Variants in MINDY4B observed in about 807,000 individuals in gnomAD.
The protein encoded by MINDY4B is MINDY family member 4B.
MINDY4B carries 25 observed loss-of-function variants against 16.7 expected under a neutral mutation model. The ratio of observed to expected loss-of-function variants is 1.49; its 90% CI spans 1.09 to 2.09. The LOEUF is 2.09. Among genes scored for constraint, MINDY4B ranks in the 30% most tolerant of loss-of-function variants. The pLI, the probability that MINDY4B is intolerant of heterozygous loss-of-function variation, is 0.00. For synonymous variants in MINDY4B, 132 were observed against 61.9 expected, an observed-to-expected ratio of 2.13 and a Z score of -5.32; for missense variants, 327 against 168.4, an observed-to-expected ratio of 1.94 and a Z score of -5.21.
chr3:150,889,446 C>G (rs894061951), intron 7 of MINDY4B, among the ~76,000 whole-genome samples: 1 of 152,202 alleles, frequency 6.6e-6, no homozygotes, highest in Non-Finnish European at 1.5e-5. Flanking sequence ...GTGATTCCAC[C>G]GGGCCCACCT....
intron 7 of MINDY4B, among the ~76,000 whole-genome samples, chr3:150,889,653 C>T (rs1375424622): frequency 2.6e-5 from 4 of 152,226 alleles, no homozygotes; most frequent in Non-Finnish European, 5.9e-5. Context: ...ATCACATTTC[C>T]CTGCTCCATG....
In MINDY4B at chr3:150,905,278, C is replaced by T. The variant is rs144395504; in HGVS notation, c.113+49G>A. The T allele has an allele frequency of 2.7e-4, 106 of 398,320 alleles. 1 individual carries two copies. In the East Asian group the frequency reaches 2.8e-3, roughly 10 times the overall value. The allele number at this position is 398,320 out of a possible 1,614,324, so 24.7% of individuals were successfully genotyped here. On this transcript the variant is annotated intron_variant, in intron 1 of 11. Transcript: ENST00000465419. ...AGCTTATAAGTTGATTACTTAAACA[C>T]GGAAAATTCCTTTGTTTCTAAAGAA...
chr3:150,891,583 G>A (rs1377330086), intron 5 of MINDY4B, among the ~76,000 whole-genome samples: 5 of 151,878 alleles, frequency 3.3e-5, no homozygotes, highest in South Asian at 2.1e-4. Context: ...CCAACATGGC[G>A]AAACCCCTTC....
intron 10 of MINDY4B, among the ~76,000 whole-genome samples, chr3:150,878,058 G>A (rs1239778778): frequency 6.6e-6 from 1 of 152,030 alleles, no homozygotes; most frequent in East Asian, 1.9e-4. Context: ...TCTCTAAAAT[G>A]AATGACCAAG....
chr3:150,878,201 G>T (rs1239716762), intron 10 of MINDY4B, among the ~76,000 whole-genome samples: 1 of 152,102 alleles, frequency 6.6e-6, no homozygotes, highest in African/African-American at 2.4e-5. Context: ...TTAGCACAAT[G>T]AATAAATAAA....
intron 3 of MINDY4B, among the ~76,000 whole-genome samples, chr3:150,894,981 GGAGA>G (rs1188809450): frequency 6.6e-5 from 10 of 152,340 alleles, no homozygotes; most frequent in African/African-American, 2.4e-4. Context: ...AACAGAGGGA[GGAGA>G]GAGAACTTCT....
chr3:150,887,552 A>G (rs1319214455), intron 7 of MINDY4B, among the ~76,000 whole-genome samples: 1 of 152,208 alleles, frequency 6.6e-6, no homozygotes, highest in Non-Finnish European at 1.5e-5. Context: ...TCAAGAATAT[A>G]GGCCCTGTGT....
At chr3:150,883,610 A>G (rs1195032993) in intron 9 of MINDY4B, 90 bp downstream of exon 9, 1 of 661,088 alleles carries the variant, frequency 1.5e-6, no homozygotes, top group Non-Finnish European at 2.7e-6. Flanking sequence ...CAAAATTCAG[A>G]TTGCTTTTCT....
At chr3:150,896,180 ATT>A in intron 3 of MINDY4B, among the ~76,000 whole-genome samples, 1 of 152,136 alleles carries the variant, frequency 6.6e-6, no homozygotes, top group East Asian at 1.9e-4. Flanking sequence ...TTTCCAGAGC[ATT>A]TTGCATTTCT....
chr3:150,885,284 T>C (rs1711592351), intron 8 of MINDY4B, 84 bp downstream of exon 8: 4 of 659,192 alleles, frequency 6.1e-6, no homozygotes, highest in African/African-American at 1.8e-5. Context: ...GTTTCCAATA[T>C]GGAGATTTTT....
intron 10 of MINDY4B, among the ~76,000 whole-genome samples, chr3:150,882,020 C>T (rs879725889): frequency 1.8e-4 from 27 of 152,214 alleles, no homozygotes; most frequent in Non-Finnish European, 3.5e-4. Context: ...AGCAGCGAGG[C>T]CTTGTTTGCT....
chr3:150,894,842 CTGAT>C (rs1158390338), intron 3 of MINDY4B, among the ~76,000 whole-genome samples: 2 of 152,146 alleles, frequency 1.3e-5, no homozygotes, highest in Admixed American at 6.5e-5. Context: ...AAATCAAAGA[CTGAT>C]TGATCATTTA....
At position 150,870,646 on chromosome 3, in the gene MINDY4B, C is replaced by T. The variant is rs143185163; in HGVS notation, c.*399G>A. On this transcript the variant is annotated 3_prime_UTR_variant, in exon 12 of 12. Transcript: ENST00000465419. ...TGAGTTCTTGCCATAACTAAAAATCCGATGATGCATTACCAATGACTTCAT... is the reference window on the plus strand; with the variant it reads ...TGAGTTCTTGCCATAACTAAAAATCTGATGATGCATTACCAATGACTTCAT... 4.6e-4 allele frequency among the ~76,000 whole-genome samples: 70 copies of T among 152,268 alleles called. No homozygotes were observed. The highest frequency in any genetic ancestry group is 6.8e-3 in the Middle Eastern group (2 of 294).
intron 11 of MINDY4B, among the ~76,000 whole-genome samples, chr3:150,872,816 C>T (rs969100334): frequency 1.3e-5 from 2 of 152,166 alleles, no homozygotes; most frequent in African/African-American, 2.4e-5. Context: ...ATAGCATCAG[C>T]CAATTCTTCC....
chr3:150,902,763 G>T (rs1456248316), intron 3 of MINDY4B, among the ~76,000 whole-genome samples: 1 of 152,308 alleles, frequency 6.6e-6, no homozygotes, highest in East Asian at 1.9e-4. Flanking sequence ...TTTCAAATCT[G>T]CATATTAATT....
chr3:150,905,321 C>A lies in MINDY4B; in HGVS notation c.113+6G>T. 2 of 398,456 alleles carry A rather than the reference C, an allele frequency of 5.0e-6. No individual in the cohort carries two copies. Among genetic ancestry groups the A allele is most frequent in the Non-Finnish European group, 8.9e-6 (2 of 225,968 alleles). 24.7% of individuals were successfully genotyped at this position (398,456 alleles called of 1,614,324 possible). On this transcript the variant is annotated splice_donor_region_variant and intron_variant, in intron 1 of 11. Transcript: ENST00000465419. ...CTAAAGAAATGAGAGAATGAGAACA[C>A]CTTACCTGTGATAACTAAAGATTTC...
At chr3:150,876,264 G>A (rs1711497031) in intron 10 of MINDY4B, among the ~76,000 whole-genome samples, 1 of 152,148 alleles carries the variant, frequency 6.6e-6, no homozygotes. Flanking sequence ...CAAGGAAGAT[G>A]GACAAATTCT....
chr3:150,888,106 C>CA (rs1711674822), intron 7 of MINDY4B, among the ~76,000 whole-genome samples: 2 of 151,950 alleles, frequency 1.3e-5, no homozygotes, highest in South Asian at 4.2e-4. Context: ...GATTCCGTCT[C>CA]AAAAAACAAA....
intron 3 of MINDY4B, among the ~76,000 whole-genome samples, chr3:150,896,668 C>A (rs1194226827): frequency 2.0e-5 from 3 of 152,186 alleles, no homozygotes; most frequent in East Asian, 1.9e-4. Flanking sequence ...AGCCACCTAG[C>A]AAGCCTACCA....
Sources: allele counts gnomAD v4.1 joint callset (sites outside exome capture counted in the v4.1 genomes callset), GRCh38; gene constraint gnomAD v4.1.1; transcripts MANE v1.5; gene names NCBI Gene and HGNC (gene_info 2026-07-23, HGNC 2026-07-21).